LPP: variants seen among roughly 807,000 people sequenced by gnomAD.
LPP encodes the protein lipoma-preferred partner.
Under a neutral mutation model 60.4 loss-of-function variants are expected in LPP, and 38 were observed. The ratio of observed to expected loss-of-function variants is 0.63; its 90% CI spans 0.49 to 0.83. The LOEUF is 0.83. Ranked by LOEUF, LPP falls within the 40% of genes least tolerant of loss-of-function variation. The pLI is 0.00. For missense variants in LPP, 902 were observed against 783.6 expected (o/e 1.15, Z -1.80); for synonymous variants, 328 against 290.8 (o/e 1.13, Z -1.30).
rs7637054 is a variant in LPP, at chr3:188,380,736, G to T, written c.-9-25376G>T. ...CAAAATTATCTTTAATTGTGTGGAG[G>T]TGTATTTTTCTCCCCCATAAAATTC... On this transcript the variant is annotated intron_variant, in intron 3 of 11. Coordinates refer to ENST00000617246, the MANE Select transcript of LPP (RefSeq NM_001375462.1). Among the ~76,000 whole-genome samples, 1,013 of 152,324 alleles carry T rather than the reference G, an allele frequency of 6.7e-3. 14 individuals carry two copies. Among genetic ancestry groups the T allele is most frequent in the African/African-American group, 0.024 (978 of 41,574 alleles).
chr3:188,632,765 T>C (rs1848070212), intron 7 of LPP, among the ~76,000 whole-genome samples: 2 of 152,192 alleles, frequency 1.3e-5, no homozygotes, highest in South Asian at 4.1e-4. Context: ...TGGAAGGTAT[T>C]CTTCAGTTGT....
Position 188,461,900 on chromosome 3 carries a change from C to T in LPP, c.194-22692C>T, listed in dbSNP as rs138407632. On this transcript the variant is annotated intron_variant, in intron 4 of 11. Transcript: ENST00000617246. ...TATCCCCTCCACACCCATTTCTTCA[C>T]TCATATTTCTCACAATATTTCAAAT... 1.5e-3 allele frequency among the ~76,000 whole-genome samples: 226 copies of T among 152,212 alleles called. 1 individual carries two copies. Among genetic ancestry groups the T allele is most frequent in the African/African-American group, 5.2e-3 (217 of 41,550 alleles).
At chr3:188,291,631 GCGAGACTCTGTCTCAAAAAAAAAA>G (rs1468443914) in intron 2 of LPP, among the ~76,000 whole-genome samples, 1 of 135,206 alleles carries the variant, frequency 7.4e-6, no homozygotes, top group African/African-American at 2.8e-5. Flanking sequence ...GGGCGACAGA[GCGAGACTCTGTCTCAAAAAAAAAA>G]AAAAAAAAAG....
In LPP at chr3:188,757,889, GTTTTT is replaced by G. The variant is rs750488243; in HGVS notation, c.1241-2208_1241-2204del. Among the ~76,000 whole-genome samples the G allele has an allele frequency of 1.4e-4, 11 of 78,740 alleles. 1 individual carries two copies. Among genetic ancestry groups the G allele is most frequent in the Non-Finnish European group, 1.6e-4 (7 of 43,040 alleles). The allele number at this position is 78,740 out of a possible 152,430, so 51.7% of individuals were successfully genotyped here. On this transcript the variant is annotated intron_variant, in intron 8 of 11. Transcript: ENST00000617246. ...TTTTTTTTGTGGTTTTGTTTTTTTG[GTTTTT>G]TTTTTTTTTTTTTTTCAGAATAATT...
intron 2 of LPP, among the ~76,000 whole-genome samples, chr3:188,236,941 G>T (rs1722136341): frequency 6.6e-6 from 1 of 152,144 alleles, no homozygotes; most frequent in Non-Finnish European, 1.5e-5. Context: ...ATATCAAGCT[G>T]TATCACTTCT....
intron 5 of LPP, among the ~76,000 whole-genome samples, chr3:188,521,760 TTCATTTTATAGATGAGAAAAC>T (rs1189939742): frequency 6.6e-6 from 1 of 152,174 alleles, no homozygotes; most frequent in Non-Finnish European, 1.5e-5. Flanking sequence ...TGATATTCTC[TTCATTTTATAGATGAGAAAAC>T]TATGGCCCAG....
chr3:188,597,347 T>A (rs56326355), intron 6 of LPP, among the ~76,000 whole-genome samples: 20,072 of 152,176 alleles, frequency 0.13, 1,639 homozygotes, highest in South Asian at 0.22. Flanking sequence ...CTCAAGGTGG[T>A]CACATTTTAA....
chr3:188,834,298 T>C lies in LPP; in HGVS notation c.1411-31902T>C, dbSNP rs930336846. 1.3e-4 allele frequency among the ~76,000 whole-genome samples: 19 copies of C among 151,314 alleles called. 1 individual carries two copies. Among genetic ancestry groups the C allele is most frequent in the Middle Eastern group, 3.4e-3 (1 of 294 alleles). On this transcript the variant is annotated intron_variant, in intron 9 of 11. Transcript: ENST00000617246. ...TCATCAAACTTATTATTTACCATTT[T>C]AGGATTTTTTTGTTTCTTTTTGGGT... is the stretch of plus-strand genomic sequence containing the variant.
chr3:188,843,114 C>T (rs1760443655), intron 9 of LPP, among the ~76,000 whole-genome samples: 12 of 152,024 alleles, frequency 7.9e-5, no homozygotes, highest in Admixed American at 7.9e-4. Context: ...ACCCATTTTT[C>T]TTTTTTATCA....
Position 188,779,123 on chromosome 3 carries a change from G to GA in LPP, c.1410+18852dup, listed in dbSNP as rs372503749. On this transcript the variant is annotated intron_variant, in intron 9 of 11. Transcript: ENST00000617246. ...TTTGAATTCAAATGACAACTTAAAAGAAAAAAAAAAAGATGTCCTTGAAAA... is the reference window on the plus strand; with the variant it reads ...TTTGAATTCAAATGACAACTTAAAAGAAAAAAAAAAAAGATGTCCTTGAAAA... 2.0e-3 allele frequency among the ~76,000 whole-genome samples: 280 copies of GA among 142,216 alleles called. 2 individuals are homozygous for GA. Among genetic ancestry groups the GA allele is most frequent in the Middle Eastern group, 3.6e-3 (1 of 276 alleles). 93.3% of individuals were successfully genotyped at this position (142,216 alleles called of 152,430 possible).
At chr3:188,168,696 A>C (rs1256768712) in intron 1 of LPP, among the ~76,000 whole-genome samples, 6 of 152,228 alleles carry the variant, frequency 3.9e-5, no homozygotes, top group Non-Finnish European at 7.3e-5. Context: ...AGATTTAATA[A>C]GGCAGTTATC....
chr3:188,296,901 ACT>A (rs147304624), intron 2 of LPP, among the ~76,000 whole-genome samples: 55 of 152,302 alleles, frequency 3.6e-4, no homozygotes, highest in African/African-American at 1.3e-3. Flanking sequence ...TAATTGGGTA[ACT>A]CTCTGCCTCC....
chr3:188,537,952 C>T (rs1824091413), intron 6 of LPP, among the ~76,000 whole-genome samples: 1 of 151,956 alleles, frequency 6.6e-6, no homozygotes, highest in Non-Finnish European at 1.5e-5. Context: ...TGTTTATGGA[C>T]AATTGATTTT....
At chr3:188,206,221 C>T (rs1733169122) in intron 1 of LPP, among the ~76,000 whole-genome samples, 1 of 152,116 alleles carries the variant, frequency 6.6e-6, no homozygotes, top group South Asian at 2.1e-4. Flanking sequence ...GTCCAGATCC[C>T]TGTGAAGATC....
intron 6 of LPP, among the ~76,000 whole-genome samples, chr3:188,541,336 T>A (rs1204669265): frequency 6.6e-6 from 1 of 152,148 alleles, no homozygotes; most frequent in Non-Finnish European, 1.5e-5. Context: ...GGACCACACT[T>A]TGTGAACCCT....
chr3:188,340,497 C>T (rs570961181), intron 2 of LPP, among the ~76,000 whole-genome samples: 36 of 145,302 alleles, frequency 2.5e-4, no homozygotes, highest in Admixed American at 2.1e-3. Context: ...TTTATGTAAA[C>T]GGGACATTTT....
intron 9 of LPP, among the ~76,000 whole-genome samples, chr3:188,839,740 T>C (rs1759434154): frequency 6.6e-6 from 1 of 151,248 alleles, no homozygotes; most frequent in Non-Finnish European, 1.5e-5. Flanking sequence ...TAACTGGGCA[T>C]GGTGGTGGGC....
intron 1 of LPP, among the ~76,000 whole-genome samples, chr3:188,165,280 A>G (rs1453830006): frequency 7.3e-6 from 1 of 137,570 alleles, no homozygotes; most frequent in Non-Finnish European, 1.6e-5. Context: ...GTCTGTCAGG[A>G]AAAAAAAAAA....
intron 1 of LPP, among the ~76,000 whole-genome samples, chr3:188,222,762 T>C (rs540978127): frequency 6.6e-6 from 1 of 152,340 alleles, no homozygotes; most frequent in South Asian, 2.1e-4. Context: ...TGACTTTTCC[T>C]GCCAAGAATC....
Sources: gnomAD v4.1 joint callset for allele counts (sites outside exome capture counted in the v4.1 genomes callset) on GRCh38, gnomAD v4.1.1 for gene constraint, MANE v1.5 for transcripts, NCBI Gene and HGNC (gene_info 2026-07-23, HGNC 2026-07-21) for gene names.